Variants in CSPG4 observed in about 807,000 individuals in gnomAD.
The protein encoded by CSPG4 is chondroitin sulfate proteoglycan 4.
In CSPG4, 74 loss-of-function variants were observed where a neutral mutation model predicts 139.3. The ratio of observed to expected loss-of-function variants is 0.53; its 90% CI spans 0.44 to 0.64. The LOEUF (loss-of-function observed/expected upper bound fraction) is 0.64. Ranked by LOEUF, CSPG4 falls within the 30% of genes least tolerant of loss-of-function variation. The probability of loss-of-function intolerance (pLI) is 0.00; values close to 1 mark genes in which losing one functional copy is unlikely to be tolerated. For missense variants in CSPG4, 2,565 were observed against 3,148.3 expected, an observed-to-expected ratio of 0.81 and a Z score of 4.43; for synonymous variants, 1,234 against 1,394.2, an observed-to-expected ratio of 0.89 and a Z score of 2.56.
At position 75,676,224 on chromosome 15, in the gene CSPG4, G is replaced by C; in HGVS notation, c.6295C>G (p.Arg2099Gly). The C allele has an allele frequency of 6.4e-7, 1 of 1,551,864 alleles. No homozygotes were observed. Among genetic ancestry groups the C allele is most frequent in the Non-Finnish European group, 8.7e-7 (1 of 1,155,532 alleles). ...PRHGRVVRVP[R>G]ARTEPGGSQL... ...CTGCCCCCGGGCTCCGTCCTGGCTCGGGGCACGCGGACCACGCGGCCATGC... is the reference window on the plus strand; with the variant it reads ...CTGCCCCCGGGCTCCGTCCTGGCTCCGGGCACGCGGACCACGCGGCCATGC... The change falls in exon 10 of 10, where the codon CGA (arginine) becomes GGA (glycine). Residue 2099 changes from arginine to glycine, a missense_variant. Around this residue, in one of 5 missense-constraint regions of CSPG4, gnomAD observed 2,316 missense variants for 2,818.2 expected, o/e 0.82. Transcript: ENST00000308508.
intron 1 of CSPG4, among the ~76,000 whole-genome samples, chr15:75,699,036 G>T (rs184641948): frequency 1.3e-5 from 2 of 152,272 alleles, no homozygotes; most frequent in Non-Finnish European, 2.9e-5. Context: ...GCTGCTTCCA[G>T]ACTGGGATTC....
intron 1 of CSPG4, among the ~76,000 whole-genome samples, chr15:75,703,523 C>A (rs1169406839): frequency 6.6e-6 from 1 of 152,066 alleles, no homozygotes; most frequent in African/African-American, 2.4e-5. Context: ...GGGCTGGAGA[C>A]CCTCCGTTCC....
chr15:75,701,154 A>T (rs1894296603), intron 1 of CSPG4, among the ~76,000 whole-genome samples: 1 of 152,086 alleles, frequency 6.6e-6, no homozygotes, highest in African/African-American at 2.4e-5. Context: ...CAGTAGAGCC[A>T]CCTCTGGCCT....
rs1894257546 is a variant in CSPG4 at position 75,698,474 on chromosome 15, C to T, written c.89-5241G>A. Among the ~76,000 whole-genome samples, 1 of 151,988 alleles carries T rather than the reference C, an allele frequency of 6.6e-6. No individual in the cohort carries two copies. Among genetic ancestry groups the T allele is most frequent in the South Asian group, 2.1e-4 (1 of 4,828 alleles). ...GTTCCCCTCCCCTCCCCTTGCACCT[C>T]CAAGGGACTCCCCGATTTTACTTCC... On this transcript the variant is annotated intron_variant, in intron 1 of 9. Transcript: ENST00000308508. The surrounding 1 kb of genome is among the most constrained non-coding windows in gnomAD (Gnocchi z 4.3).
At chr15:75,694,364 A>G (rs569595465) in intron 1 of CSPG4, among the ~76,000 whole-genome samples, 56 of 152,356 alleles carry the variant, frequency 3.7e-4, no homozygotes, top group Non-Finnish European at 7.1e-4. Context: ...TTTTGTGGTG[A>G]TAAGAGCCAA....
At position 75,685,387 on chromosome 15, in the gene CSPG4, A is replaced by G. The variant is rs555818847; in HGVS notation, c.4104T>C (p.Pro1368=). 6.2e-7 allele frequency: 1 copy of G among 1,610,554 alleles called. No individual in the cohort carries two copies. Among genetic ancestry groups the G allele is most frequent in the African/African-American group, 1.3e-5 (1 of 75,044 alleles). Residue 1368 remains proline, a synonymous_variant, in exon 4 of 10, where the codon CCT becomes CCC. Transcript: ENST00000308508. ...GGGCCAGGGTGAGGCTGCCACCCTC[A>G]GGGACGCTGAAGTTTTGCGCCTCTA... ...IPLEAQNFSV[P]EGGSLTLAPP...
At chr15:75,706,103 G>A (rs1212637738) in intron 1 of CSPG4, among the ~76,000 whole-genome samples, 5 of 152,206 alleles carry the variant, frequency 3.3e-5, no homozygotes, top group Non-Finnish European at 7.3e-5. Flanking sequence ...GAAGGGGCAG[G>A]GAGAAGCGGG....
rs780789623 is a variant in CSPG4 at position 75,676,155 on chromosome 15, T to G, written c.6364A>C (p.Arg2122=). 1.5e-5 allele frequency: 23 copies of G among 1,546,736 alleles called. No homozygotes were observed. In the East Asian group the frequency reaches 5.5e-4, roughly 37 times the overall value. Residue 2122 remains arginine (R), a synonymous_variant, in exon 10 of 10, where the codon AGG becomes CGG. Coordinates refer to ENST00000308508, the MANE Select transcript of CSPG4 (RefSeq NM_001897.5). ...QFTQQDLEDG[R]LGLEVGRPEG... ...GGCCTGCCCACCTCCAGCCCCAGCC[T>G]CCCGTCCTCAAGGTCCTGCTGAGTG... is the stretch of plus-strand genomic sequence containing the variant.
Position 75,677,334 on chromosome 15 carries a change from C to T in CSPG4, c.5185G>A (p.Asp1729Asn). ...ACGCTGGCCAAGAGATTGGAGGCAT[C>T]CAGAGCAGCCACGGTGATCCTGGCC... Reference protein sequence around the residue: ...QRARITVAALDASNLLASVPS... With the variant: ...QRARITVAALNASNLLASVPS... The change falls in exon 10 of 10, where the codon GAT becomes AAT. Residue 1729 changes from aspartate (D) to asparagine (N), a missense_variant. Asp to Asn is a conservative substitution (Grantham distance 23). This residue lies in a region of CSPG4 where 2,316 missense variants were observed against 2,818.2 expected (regional missense o/e 0.82). Transcript: ENST00000308508. 7.1e-7 allele frequency: 1 copy of T among 1,412,720 alleles called. No individual in the cohort carries two copies. Among genetic ancestry groups the T allele is most frequent in the Non-Finnish European group, 9.3e-7 (1 of 1,079,698 alleles). 87.5% of individuals were successfully genotyped at this position (1,412,720 alleles called of 1,614,324 possible).
At position 75,688,488 on chromosome 15, in the gene CSPG4, A is replaced by G. The variant is rs765822065; in HGVS notation, c.2577T>C (p.Tyr859=). 6.2e-7 allele frequency: 1 copy of G among 1,613,212 alleles called. No individual in the cohort carries two copies. Among genetic ancestry groups the G allele is most frequent in the Non-Finnish European group, 8.5e-7 (1 of 1,180,038 alleles). ...CCTCTGAGGCACGTGCTGTGGCCCC[A>G]TAGGTCACCCGGCCAGCCTGTATGT... ...QDDIQAGRVT[Y]GATARASEAV... Residue 859 remains tyrosine, a synonymous_variant, in exon 3 of 10, where the codon TAT becomes TAC. Transcript: ENST00000308508.
chr15:75,703,498 G>C (rs1255966509), intron 1 of CSPG4, among the ~76,000 whole-genome samples: 1 of 151,848 alleles, frequency 6.6e-6, no homozygotes. Context: ...CCCACCCCCA[G>C]CCTCCAGGGT....
At position 75,688,845 on chromosome 15, in the gene CSPG4, G is replaced by A. The variant is rs73439302; in HGVS notation, c.2220C>T (p.Arg740=). 2,408 of 1,612,584 alleles carry A rather than the reference G, an allele frequency of 1.5e-3. 29 individuals are homozygous for A. The African/African-American group carries it at 0.027, about 18-fold the overall frequency. Residue 740 remains arginine, a synonymous_variant, in exon 3 of 10, where the codon CGC becomes CGT. Coordinates refer to ENST00000308508, the MANE Select transcript of CSPG4 (RefSeq NM_001897.5). ...AFHQRDVEQG[R]VRYLSTDPQH... The stretch of plus-strand genomic sequence containing the variant: ...GTGGGTCAGTGCTCAGGTACCTCAC[G>A]CGGCCCTGCTCCACATCCCGCTGGT...
rs770640304 is a variant in CSPG4, at chr15:75,685,258, T to A, written c.4233A>T (p.Gly1411=). The A allele has an allele frequency of 6.5e-7, 1 of 1,542,266 alleles. No individual in the cohort carries two copies. ...PQHGALQKED[G]PQARTLSAFS... is the part of the protein sequence containing the mutation. ...AGGCGCTGAGGGTCCTGGCTTGAGGTCCGTCCTCCTTCTGCAGGGCTCCAT... is the reference window on the plus strand; with the variant it reads ...AGGCGCTGAGGGTCCTGGCTTGAGGACCGTCCTCCTTCTGCAGGGCTCCAT... Residue 1411 remains glycine (G), a synonymous_variant, in exon 4 of 10, where the codon GGA becomes GGT. Coordinates refer to ENST00000308508, the MANE Select transcript of CSPG4 (RefSeq NM_001897.5).
intron 1 of CSPG4, among the ~76,000 whole-genome samples, chr15:75,707,729 C>T (rs1440770291): frequency 2.6e-5 from 4 of 152,208 alleles, no homozygotes; most frequent in African/African-American, 7.2e-5. Flanking sequence ...GTGGGGCAGG[C>T]GTCCCATATT....
In CSPG4 at chr15:75,676,355, C is replaced by T. The variant is rs1359446542; in HGVS notation, c.6164G>A (p.Trp2055Ter). The T allele has an allele frequency of 4.3e-6, 7 of 1,613,062 alleles. No homozygotes were observed. The highest frequency in any genetic ancestry group is 2.2e-5 in the East Asian group (1 of 44,894). The change falls in exon 10 of 10, where the codon TGG becomes TAG. Residue 2055 changes from tryptophan (W) to a stop codon, truncating the protein, a stop_gained. Coordinates refer to ENST00000308508, the MANE Select transcript of CSPG4 (RefSeq NM_001897.5). LOFTEE classifies it high-confidence loss of function. Reference sequence around the variant, plus strand: ...CAGGCGCAGGGTGGCACCCTGGGGCCATGGCCCACCTGCCCACACATGCAG... The same window carrying T: ...CAGGCGCAGGGTGGCACCCTGGGGCTATGGCCCACCTGCCCACACATGCAG... The part of the protein sequence containing the change: ...ALLHVWAGGP[W>*]PQGATLRLDP...
In CSPG4 at chr15:75,690,651, G is replaced by A. The variant is rs1470058324; in HGVS notation, c.414C>T (p.Ala138=). 2 of 1,611,960 alleles carry A rather than the reference G, an allele frequency of 1.2e-6. No individual in the cohort carries two copies. The highest frequency in any genetic ancestry group is 2.7e-5 in the African/African-American group (2 of 74,900). The change falls in exon 3 of 10, where the codon GCC becomes GCT. Residue 138 remains alanine, a synonymous_variant. Transcript: ENST00000308508. The part of the protein sequence containing the change: ...FLNASSAVPG[A]PLEVPYGLFV... Reference sequence around the variant, plus strand: ...AGAGCCCATAGGGGACCTCTAGGGGGGCTCCTGGGACTGCTGAGGAGGCGT... The same window carrying A: ...AGAGCCCATAGGGGACCTCTAGGGGAGCTCCTGGGACTGCTGAGGAGGCGT...
At position 75,712,591 on chromosome 15, in the gene CSPG4, C is replaced by T. The variant is rs574411241; in HGVS notation, c.88+77G>A. The T allele has an allele frequency of 7.2e-5, 101 of 1,408,376 alleles. No homozygotes were observed. In the African/African-American group the frequency reaches 1.4e-3, roughly 19 times the overall value. 87.2% of individuals were successfully genotyped at this position (1,408,376 alleles called of 1,614,324 possible). On this transcript the variant is annotated intron_variant, in intron 1 of 9. Coordinates refer to ENST00000308508, the MANE Select transcript of CSPG4 (RefSeq NM_001897.5). Reference sequence around the variant, plus strand: ...CCGATCTGGGGGCCACTTCTGGCTCCTCCTGTCCCTTTTCCCTCCCGGAGG... The same window carrying T: ...CCGATCTGGGGGCCACTTCTGGCTCTTCCTGTCCCTTTTCCCTCCCGGAGG...
Position 75,684,896 on chromosome 15 carries a change from A to G in CSPG4, c.4289T>C (p.Ile1430Thr). Residue 1430 changes from isoleucine (I) to threonine (T), a missense_variant, in exon 5 of 10, where the codon ATC becomes ACC. By Grantham distance (89) the Ile-to-Thr change is moderately conservative (BLOSUM62 -1). Around this residue, in one of 5 missense-constraint regions of CSPG4, gnomAD observed 2,316 missense variants for 2,818.2 expected, o/e 0.82. Transcript: ENST00000308508. ...CTCGCTCCCGTCATGCACGTAGCGG[A>G]TCAGCTGCTCTTCCACCTAGGGGCA... is the stretch of plus-strand genomic sequence containing the variant. The part of the protein sequence containing the change: ...FSWRMVEEQL[I>T]RYVHDGSETL... 6.2e-7 allele frequency: 1 copy of G among 1,609,482 alleles called. No homozygotes were observed. The highest frequency in any genetic ancestry group is 8.5e-7 in the Non-Finnish European group (1 of 1,176,542).
In CSPG4 at chr15:75,698,411, C is replaced by A. The variant is rs1358757027; in HGVS notation, c.89-5178G>T. 1.3e-5 allele frequency among the ~76,000 whole-genome samples: 2 copies of A among 151,930 alleles called. No individual in the cohort carries two copies. Among genetic ancestry groups the A allele is most frequent in the Non-Finnish European group, 2.9e-5 (2 of 67,972 alleles). On this transcript the variant is annotated intron_variant, in intron 1 of 9. Transcript: ENST00000308508. This position sits in a 1 kb window ranked among gnomAD's most constrained non-coding sequence, Gnocchi z 4.3. ...CAGGTGTGCTTCCCCAGCAGCGGAC[C>A]CTCCCTGAGGTCACCTGGCCCTCTA...
Sources: allele counts gnomAD v4.1 joint callset (sites outside exome capture counted in the v4.1 genomes callset), GRCh38; gene constraint gnomAD v4.1.1; regional missense constraint gnomAD v4.1.1; non-coding constraint Gnocchi (gnomAD v3.1); transcripts MANE v1.5; gene names NCBI Gene and HGNC (gene_info 2026-07-23, HGNC 2026-07-21).